DNAH9: variants seen among roughly 807,000 people sequenced by gnomAD.
The protein encoded by DNAH9 is DNAH9 variant protein.
Under a neutral mutation model 471.6 loss-of-function variants are expected in DNAH9, and 345 were observed. The ratio of observed to expected loss-of-function variants is 0.73; its 90% CI spans 0.67 to 0.80. The LOEUF (loss-of-function observed/expected upper bound fraction) is 0.80, where lower values mean the gene tolerates loss of function less well. Ranked by LOEUF, DNAH9 falls within the 30% of genes least tolerant of loss-of-function variation. The probability of loss-of-function intolerance (pLI) is 0.00; values close to 1 mark genes in which losing one functional copy is unlikely to be tolerated. For missense variants in DNAH9, 5,407 were observed against 5,609.2 expected, an observed-to-expected ratio of 0.96 and a Z score of 1.15; for synonymous variants, 2,093 against 2,123.6, an observed-to-expected ratio of 0.99 and a Z score of 0.40.
At position 11,619,820 on chromosome 17, in the gene DNAH9, A is replaced by G. The variant is rs375429216; in HGVS notation, c.1350+39A>G. The G allele has an allele frequency of 5.7e-4, 705 of 1,233,874 alleles. 3 individuals are homozygous for G. In the Middle Eastern group the frequency reaches 0.017, roughly 29 times the overall value. 76.4% of individuals were successfully genotyped at this position (1,233,874 alleles called of 1,614,324 possible). A position where few individuals can be genotyped will look rare whatever the true frequency, so the allele number is the denominator to read the frequency against. On this transcript the variant is annotated intron_variant, in intron 6 of 68. Transcript: ENST00000262442. Reference sequence around the variant, plus strand: ...TCACCTCAGGCTGCCAGCCCCAGACAGAAAGAAGCAGTCCAGGGGTCCAAA... The same window carrying G: ...TCACCTCAGGCTGCCAGCCCCAGACGGAAAGAAGCAGTCCAGGGGTCCAAA...
chr17:11,940,227 C>T (rs757883527), intron 66 of DNAH9, among the ~76,000 whole-genome samples: 1 of 152,168 alleles, frequency 6.6e-6, no homozygotes. Context: ...CTCTGGGTTC[C>T]CTGAGCAAAA....
chr17:11,806,405 TA>T (rs1321104889), intron 43 of DNAH9, among the ~76,000 whole-genome samples: 1 of 152,156 alleles, frequency 6.6e-6, no homozygotes, highest in Non-Finnish European at 1.5e-5. Context: ...GGAAGCAACA[TA>T]CATATCCAAG....
intron 22 of DNAH9, among the ~76,000 whole-genome samples, chr17:11,695,667 G>A (rs2074463319): frequency 6.6e-6 from 1 of 152,234 alleles, no homozygotes; most frequent in South Asian, 2.1e-4. Context: ...ATTTGGGAGT[G>A]CATCAGAATC....
At position 11,757,711 on chromosome 17, in the gene DNAH9, A is replaced by C; in HGVS notation, c.6995+19A>C. Reference sequence around the variant, plus strand: ...GAACCAGGTAGGCCAAGAAACAAGGAAGATAGAGAGTTAAAGCAGCAATAA... The same window carrying C: ...GAACCAGGTAGGCCAAGAAACAAGGCAGATAGAGAGTTAAAGCAGCAATAA... On this transcript the variant is annotated intron_variant, in intron 35 of 68. Coordinates refer to ENST00000262442, the MANE Select transcript of DNAH9 (RefSeq NM_001372.4). 1.9e-6 allele frequency: 3 copies of C among 1,612,852 alleles called. No homozygotes were observed. Among genetic ancestry groups the C allele is most frequent in the Non-Finnish European group, 2.5e-6 (3 of 1,179,718 alleles).
chr17:11,652,467 A>T (rs925501035), intron 13 of DNAH9, among the ~76,000 whole-genome samples: 3 of 151,284 alleles, frequency 2.0e-5, no homozygotes, highest in Admixed American at 6.6e-5. Flanking sequence ...TTGTATTTTT[A>T]GTAGAGACAG....
At chr17:11,664,130 G>C (rs781375613) in intron 14 of DNAH9, among the ~76,000 whole-genome samples, 1 of 152,118 alleles carries the variant, frequency 6.6e-6, no homozygotes, top group Non-Finnish European at 1.5e-5. Flanking sequence ...ATGACAAAGA[G>C]TAAATGGGAT....
chr17:11,664,932 A>G lies in DNAH9; in HGVS notation c.2695A>G (p.Ile899Val), dbSNP rs2073839811. ...NLLLNGFFLA[I>V]ECSLKYLLEN... ...GTTGCTGAATGGATTCTTTCTTGCCATTGAGTGCTCCCTCAAGTATCTTCT... is the reference window on the plus strand; with the variant it reads ...GTTGCTGAATGGATTCTTTCTTGCCGTTGAGTGCTCCCTCAAGTATCTTCT... Residue 899 changes from isoleucine to valine, a missense_variant, in exon 15 of 69, where the codon ATT (isoleucine) becomes GTT (valine). By Grantham distance (29) the Ile-to-Val change is conservative (BLOSUM62 3). Transcript: ENST00000262442. 3.1e-6 allele frequency: 5 copies of G among 1,613,574 alleles called. No individual in the cohort carries two copies. In the East Asian group the frequency reaches 1.1e-4, roughly 36 times the overall value.
At chr17:11,777,374 T>C (rs115682839) in intron 38 of DNAH9, among the ~76,000 whole-genome samples, 4,421 of 152,334 alleles carry the variant, frequency 0.029, 208 homozygotes, top group African/African-American at 0.1. Context: ...TGGTCTGTTT[T>C]ATGTCTCTTT....
At chr17:11,862,790 T>C (rs1296312308) in intron 50 of DNAH9, among the ~76,000 whole-genome samples, 3 of 152,082 alleles carry the variant, frequency 2.0e-5, no homozygotes, top group Non-Finnish European at 4.4e-5. Flanking sequence ...CAATTGTGAA[T>C]GGGGGTTCAC....
chr17:11,942,541 C>T (rs572123224), intron 67 of DNAH9, 56 bp downstream of exon 67: 14 of 1,538,540 alleles, frequency 9.1e-6, no homozygotes, highest in Non-Finnish European at 1.2e-5. Flanking sequence ...ACAGATGGAC[C>T]CCTATGGGGA....
intron 61 of DNAH9, among the ~76,000 whole-genome samples, chr17:11,912,044 A>G (rs970401779): frequency 6.6e-6 from 1 of 151,968 alleles, no homozygotes; most frequent in East Asian, 1.9e-4. Context: ...GTTGAGATGG[A>G]GTCTCGCTCT....
chr17:11,780,887 C>T (rs577264780), intron 38 of DNAH9, 122 bp from the exon 39 acceptor site: 8 of 984,612 alleles, frequency 8.1e-6, no homozygotes, highest in South Asian at 5.2e-5. Flanking sequence ...TGTTGTCTTT[C>T]GCGTTGCTGT....
chr17:11,770,711 ATCT>A (rs1968172897), intron 38 of DNAH9, among the ~76,000 whole-genome samples: 1 of 152,368 alleles, frequency 6.6e-6, no homozygotes, highest in South Asian at 2.1e-4. Flanking sequence ...AGATGTAAAC[ATCT>A]TCTATTCAAG....
intron 20 of DNAH9, among the ~76,000 whole-genome samples, chr17:11,692,545 G>A (rs1239483169): frequency 6.6e-6 from 1 of 152,184 alleles, no homozygotes; most frequent in African/African-American, 2.4e-5. Context: ...CAGGGGTCCA[G>A]AAAGAACGTT....
intron 38 of DNAH9, among the ~76,000 whole-genome samples, chr17:11,777,220 C>T (rs1968470228): frequency 6.6e-6 from 1 of 152,120 alleles, no homozygotes; most frequent in Non-Finnish European, 1.5e-5. Context: ...TAGTTCTGAG[C>T]TTTCAGGCAA....
At chr17:11,768,297 C>T (rs1482496354) in intron 36 of DNAH9, among the ~76,000 whole-genome samples, 156 bp from the exon 37 acceptor site, 1 of 152,176 alleles carries the variant, frequency 6.6e-6, no homozygotes, top group African/African-American at 2.4e-5. Context: ...ACCCTTGGGG[C>T]AGCGCTGCCT....
At chr17:11,810,488 TG>T in intron 45 of DNAH9, 119 bp downstream of exon 45, 7 of 1,324,924 alleles carry the variant, frequency 5.3e-6, no homozygotes, top group Non-Finnish European at 7.2e-6. Context: ...GGAAGAAAAC[TG>T]ACACAGCCAA....
chr17:11,659,868 T>G (rs560561466), intron 14 of DNAH9, among the ~76,000 whole-genome samples: 128 of 152,330 alleles, frequency 8.4e-4, no homozygotes, highest in African/African-American at 2.8e-3. Flanking sequence ...ATTCCTTTGA[T>G]TCTGCTGGAC....
rs1357149836 is a variant in DNAH9 at position 11,762,760 on chromosome 17, TTTTTTTTTTG to T, written c.6996-670_6996-661del. 5.8e-5 allele frequency among the ~76,000 whole-genome samples: 6 copies of T among 104,052 alleles called. 1 individual carries two copies. Among genetic ancestry groups the T allele is most frequent in the Non-Finnish European group, 1.3e-4 (6 of 47,040 alleles). The allele number at this position is 104,052 out of a possible 152,430, so 68.3% of individuals were successfully genotyped here. On this transcript the variant is annotated intron_variant, in intron 35 of 68. Coordinates refer to ENST00000262442, the MANE Select transcript of DNAH9 (RefSeq NM_001372.4). ...ACCAAAATTGCCTCTTTAGGTGCGT[TTTTTTTTTTG>T]TTTTTTTTTTTTTTTTTTTTTTTTT...
Sources: allele counts gnomAD v4.1 joint callset (sites outside exome capture counted in the v4.1 genomes callset), GRCh38; gene constraint gnomAD v4.1.1; transcripts MANE v1.5; gene names NCBI Gene and HGNC (gene_info 2026-07-23, HGNC 2026-07-21).